SOX5: variants seen among roughly 807,000 people sequenced by gnomAD.
SOX5 encodes the protein transcription factor SOX-5.
SOX5 carries 9 observed loss-of-function variants against 92.0 expected under a neutral mutation model. That is an observed-to-expected ratio of 0.10 (90% CI 0.06 to 0.17). SOX5 has a LOEUF of 0.17. SOX5 is among the 10% of genes least tolerant of loss of function. The probability of loss-of-function intolerance (pLI) is 1.00; values close to 1 mark genes in which losing one functional copy is unlikely to be tolerated. For synonymous variants in SOX5, 344 were observed against 336.3 expected, an observed-to-expected ratio of 1.02 and a Z score of -0.25; for missense variants, 642 against 944.5, an observed-to-expected ratio of 0.68 and a Z score of 4.20.
At chr12:24,106,685 G>A (rs1180867669) in intron 4 of SOX5, among the ~76,000 whole-genome samples, 4 of 151,534 alleles carry the variant, frequency 2.6e-5, no homozygotes, top group African/African-American at 7.3e-5. Context: ...CCAGGTATTC[G>A]GGAGGCTGTG....
intron 6 of SOX5, among the ~76,000 whole-genome samples, chr12:23,705,109 T>C (rs564552981): frequency 2.4e-4 from 37 of 152,112 alleles, no homozygotes; most frequent in African/African-American, 8.7e-4. Flanking sequence ...AGTATGGTCA[T>C]GTTCACCAAT....
chr12:24,389,407 G>C (rs7315585), intron 1 of SOX5, among the ~76,000 whole-genome samples: 3,947 of 152,118 alleles, frequency 0.026, 78 homozygotes, highest in East Asian at 0.049. Context: ...AAATTTTATT[G>C]TATGTGTACC....
At chr12:24,012,617 T>C (rs558478645) in intron 4 of SOX5, among the ~76,000 whole-genome samples, 2 of 152,288 alleles carry the variant, frequency 1.3e-5, no homozygotes, top group South Asian at 4.1e-4. Flanking sequence ...ACTTGTCACC[T>C]ATGGCTTAAT....
intron 2 of SOX5, among the ~76,000 whole-genome samples, chr12:24,313,267 C>G (rs1349892145): frequency 1.3e-5 from 2 of 152,156 alleles, no homozygotes; most frequent in Admixed American, 1.3e-4. Context: ...CTGGTTCACA[C>G]CTGTAACCCC....
At chr12:24,224,325 GTTTTTTTC>G (rs1203189246) in intron 3 of SOX5, among the ~76,000 whole-genome samples, 2 of 151,532 alleles carry the variant, frequency 1.3e-5, no homozygotes, top group Non-Finnish European at 2.9e-5. Context: ...AGCTGACACA[GTTTTTTTC>G]TTTTTTTCTT....
intron 4 of SOX5, among the ~76,000 whole-genome samples, chr12:24,083,678 T>C (rs1294310920): frequency 6.6e-6 from 1 of 152,000 alleles, no homozygotes; most frequent in Non-Finnish European, 1.5e-5. Flanking sequence ...TTTATTAGGA[T>C]TGAAAGGTGA....
At chr12:24,379,698 G>A (rs968527519) in intron 1 of SOX5, among the ~76,000 whole-genome samples, 17 of 152,070 alleles carry the variant, frequency 1.1e-4, no homozygotes, top group Admixed American at 9.2e-4. Flanking sequence ...TGACTCCCGG[G>A]TTCCAACTGT....
chr12:24,541,816 T>C (rs998029119), intron 1 of SOX5, among the ~76,000 whole-genome samples: 2 of 152,242 alleles, frequency 1.3e-5, no homozygotes. Flanking sequence ...TAGAAAATTC[T>C]GTTCCAGGTC....
intron 11 of SOX5, among the ~76,000 whole-genome samples, chr12:23,550,760 C>G (rs1452739003): frequency 2.0e-5 from 3 of 151,650 alleles, no homozygotes; most frequent in African/African-American, 7.3e-5. Context: ...AAAATTTTCC[C>G]TGCTCCATTA....
At chr12:23,841,789 A>C (rs1568252773) in intron 3 of SOX5, among the ~76,000 whole-genome samples, 1 of 152,076 alleles carries the variant, frequency 6.6e-6, no homozygotes, top group Admixed American at 6.6e-5. Context: ...ATTCTAGGGA[A>C]AAAAGCGGGA....
chr12:24,467,715 T>C lies in SOX5; in HGVS notation c.-251+94614A>G, dbSNP rs571819717. Reference sequence around the variant, plus strand: ...AACAATTTTAATTGGAAGAGATATATGGTCAGATTTATATTTTGGAAAAGT... The same window carrying C: ...AACAATTTTAATTGGAAGAGATATACGGTCAGATTTATATTTTGGAAAAGT... On this transcript the variant is annotated intron_variant, in intron 1 of 4. Transcript: ENST00000446891. Among the ~76,000 whole-genome samples the C allele has an allele frequency of 3.9e-5, 6 of 152,276 alleles. No individual in the cohort carries two copies. In the South Asian group the frequency reaches 6.2e-4, roughly 16 times the overall value.
chr12:23,861,293 A>T (rs899018028), intron 2 of SOX5, among the ~76,000 whole-genome samples: 1 of 152,278 alleles, frequency 6.6e-6, no homozygotes, highest in Admixed American at 6.5e-5. Flanking sequence ...ATATAAAAAA[A>T]GTTTTTCAGA....
At chr12:23,882,698 G>A (rs2097010030) in intron 2 of SOX5, among the ~76,000 whole-genome samples, 1 of 152,158 alleles carries the variant, frequency 6.6e-6, no homozygotes, top group African/African-American at 2.4e-5. Flanking sequence ...AAAGTACTAT[G>A]TTAGGTGATT....
chr12:24,461,591 T>C (rs1477168754), intron 1 of SOX5, among the ~76,000 whole-genome samples: 2 of 152,208 alleles, frequency 1.3e-5, no homozygotes, highest in Non-Finnish European at 2.9e-5. Flanking sequence ...TCCTTTACCA[T>C]ATACAGGCCA....
At chr12:24,172,105 G>A (rs1954266268) in intron 4 of SOX5, among the ~76,000 whole-genome samples, 1 of 57,510 alleles carries the variant, frequency 1.7e-5, no homozygotes, top group Non-Finnish European at 5.2e-5. Context: ...GTGCGCGCGT[G>A]TGTGTCTGTG....
At chr12:23,783,834 A>C (rs2095328465) in intron 3 of SOX5, among the ~76,000 whole-genome samples, 1 of 152,206 alleles carries the variant, frequency 6.6e-6, no homozygotes, top group East Asian at 1.9e-4. Flanking sequence ...CACATGCAAC[A>C]AATACAGATA....
At chr12:23,575,864 T>C in intron 9 of SOX5, 26 bp from the exon 10 acceptor site, 1 of 1,503,476 alleles carries the variant, frequency 6.7e-7, no homozygotes, top group Non-Finnish European at 8.9e-7. Flanking sequence ...GAACATGAGC[T>C]GTGATAAGGA....
chr12:24,472,631 T>A (rs1944934024), intron 1 of SOX5, among the ~76,000 whole-genome samples: 1 of 152,208 alleles, frequency 6.6e-6, no homozygotes, highest in Admixed American at 6.5e-5. Flanking sequence ...CTATTTTGAT[T>A]TAAAAACCAA....
chr12:23,587,842 G>C (rs918674488), intron 9 of SOX5, among the ~76,000 whole-genome samples: 1 of 152,068 alleles, frequency 6.6e-6, no homozygotes, highest in Non-Finnish European at 1.5e-5. Context: ...AAGTGAAGGA[G>C]AGGATGGAAA....
Sources: gnomAD v4.1 joint callset for allele counts (sites outside exome capture counted in the v4.1 genomes callset) on GRCh38, gnomAD v4.1.1 for gene constraint, MANE v1.5 for transcripts, NCBI Gene and HGNC (gene_info 2026-07-23, HGNC 2026-07-21) for gene names.